NR1H4: variants seen among roughly 807,000 people sequenced by gnomAD.
NR1H4 encodes the protein bile acid receptor.
Under a neutral mutation model 58.5 loss-of-function variants are expected in NR1H4, and 23 were observed. The ratio of observed to expected loss-of-function variants is 0.39; its 90% CI spans 0.28 to 0.56. NR1H4 has a LOEUF of 0.56. NR1H4 is among the 20% of genes least tolerant of loss of function. The probability of loss-of-function intolerance (pLI) is 0.58; values close to 1 mark genes in which losing one functional copy is unlikely to be tolerated. For synonymous variants in NR1H4, 214 were observed against 198.0 expected (o/e 1.08, Z -0.68); for missense variants, 487 against 576.9 (o/e 0.84, Z 1.60).
chr12:100,502,691 A>G (rs1035186961), intron 3 of NR1H4, among the ~76,000 whole-genome samples: 1 of 152,220 alleles, frequency 6.6e-6, no homozygotes, highest in South Asian at 2.1e-4. Flanking sequence ...GGTGTGAAAT[A>G]GACACTTTTA....
At chr12:100,522,190 G>T (rs1954441655) in intron 4 of NR1H4, among the ~76,000 whole-genome samples, 1 of 151,914 alleles carries the variant, frequency 6.6e-6, no homozygotes, top group South Asian at 2.1e-4. Context: ...GATGGTGATG[G>T]TGATGATGAT....
chr12:100,534,714 T>C (rs1351687614), intron 5 of NR1H4, among the ~76,000 whole-genome samples, 176 bp from the exon 6 acceptor site: 9 of 152,222 alleles, frequency 5.9e-5, no homozygotes, highest in Non-Finnish European at 1.3e-4. Context: ...AACTACTTGT[T>C]CAAGGTTAAG....
At chr12:100,481,200 TG>T (rs1953372543) in intron 1 of NR1H4, among the ~76,000 whole-genome samples, 1 of 152,024 alleles carries the variant, frequency 6.6e-6, no homozygotes, top group African/African-American at 2.4e-5. Context: ...GCAATTGTGG[TG>T]GCCATCTTTG....
chr12:100,518,617 C>T (rs1184974927), intron 4 of NR1H4, among the ~76,000 whole-genome samples: 1 of 152,090 alleles, frequency 6.6e-6, no homozygotes, highest in Non-Finnish European at 1.5e-5. Context: ...TGAGGCTTCA[C>T]ACCACAGCAG....
chr12:100,519,462 A>G (rs1297932320), intron 4 of NR1H4, among the ~76,000 whole-genome samples: 3 of 151,910 alleles, frequency 2.0e-5, no homozygotes, highest in Admixed American at 2.0e-4. Context: ...CACCAGTGGG[A>G]AAGGTCTCTG....
At chr12:100,531,264 T>G in intron 4 of NR1H4, among the ~76,000 whole-genome samples, 1 of 152,206 alleles carries the variant, frequency 6.6e-6, no homozygotes, top group South Asian at 2.1e-4. Flanking sequence ...GAGACCAGCC[T>G]GGCCAACATG....
At chr12:100,517,191 C>A (rs998600850) in intron 4 of NR1H4, among the ~76,000 whole-genome samples, 6 of 152,132 alleles carry the variant, frequency 3.9e-5, no homozygotes, top group Non-Finnish European at 7.4e-5. Flanking sequence ...CTTCTCCCCC[C>A]ATCCTCCTCA....
At chr12:100,516,955 C>T (rs1415526711) in intron 4 of NR1H4, among the ~76,000 whole-genome samples, 2 of 152,082 alleles carry the variant, frequency 1.3e-5, no homozygotes, top group African/African-American at 4.8e-5. Context: ...AACATGTTTT[C>T]ATACATGTAT....
chr12:100,560,646 C>T (rs893029376), intron 9 of NR1H4, among the ~76,000 whole-genome samples: 3 of 152,164 alleles, frequency 2.0e-5, no homozygotes, highest in Non-Finnish European at 2.9e-5. Flanking sequence ...CCGCGAGGGT[C>T]CGCGGCTTCA....
chr12:100,500,046 C>T (rs1433055380), intron 3 of NR1H4: 6 of 426,524 alleles, frequency 1.4e-5, no homozygotes, highest in South Asian at 3.4e-5. Flanking sequence ...TACTGTTCCC[C>T]TTTTATGGTG....
chr12:100,479,338 C>A (rs1486322914), intron 1 of NR1H4, among the ~76,000 whole-genome samples: 1 of 152,094 alleles, frequency 6.6e-6, no homozygotes, highest in Non-Finnish European at 1.5e-5. Context: ...AATTTTCAGT[C>A]TTTAATCCAT....
At chr12:100,521,888 G>C (rs759955285) in intron 4 of NR1H4, among the ~76,000 whole-genome samples, 2 of 152,094 alleles carry the variant, frequency 1.3e-5, no homozygotes, top group African/African-American at 2.4e-5. Flanking sequence ...TTATCTTGGA[G>C]TATGATGCAA....
chr12:100,518,637 C>T (rs941812432), intron 4 of NR1H4, among the ~76,000 whole-genome samples: 12 of 151,970 alleles, frequency 7.9e-5, no homozygotes, highest in African/African-American at 2.2e-4. Flanking sequence ...GCCTCTGTTG[C>T]AACTAATCAA....
At chr12:100,508,584 T>C (rs575550872) in intron 3 of NR1H4, among the ~76,000 whole-genome samples, 1 of 152,282 alleles carries the variant, frequency 6.6e-6, no homozygotes, top group African/African-American at 2.4e-5. Context: ...TTAACTACTA[T>C]GTGCCTCATG....
intron 3 of NR1H4, 101 bp downstream of exon 3, chr12:100,493,503 A>C: frequency 1.4e-6 from 1 of 702,422 alleles, no homozygotes; most frequent in Admixed American, 2.1e-5. Context: ...GGTCAAGAAC[A>C]TGTTTTTGTT....
At chr12:100,490,689 C>T (rs1386000108) in intron 1 of NR1H4, among the ~76,000 whole-genome samples, 3 of 152,044 alleles carry the variant, frequency 2.0e-5, no homozygotes, top group Non-Finnish European at 4.4e-5. Flanking sequence ...TTCATATATA[C>T]ACATTATATA....
rs747027577 is a variant in NR1H4, at chr12:100,536,968, A to T, written c.852A>T (p.Ala284=). The change falls in exon 8 of 11, where the codon GCA becomes GCT. Residue 284 remains alanine, a synonymous_variant. Coordinates refer to ENST00000392986, the MANE Select transcript of NR1H4 (RefSeq NM_001206979.2). ...TNKILKEEFS[A]EENFLILTEM... is the part of the protein sequence containing the mutation. Reference sequence around the variant, plus strand: ...TTTAGTTAAAAGAAGAATTCAGTGCAGAAGAAAATTTTCTCATTTTGACGG... The same window carrying T: ...TTTAGTTAAAAGAAGAATTCAGTGCTGAAGAAAATTTTCTCATTTTGACGG... The T allele has an allele frequency of 6.3e-7, 1 of 1,595,372 alleles. No individual in the cohort carries two copies. Among genetic ancestry groups the T allele is most frequent in the Non-Finnish European group, 8.5e-7 (1 of 1,170,138 alleles).
chr12:100,528,323 C>A (rs1049308086), intron 4 of NR1H4, among the ~76,000 whole-genome samples: 1 of 151,470 alleles, frequency 6.6e-6, no homozygotes, highest in Non-Finnish European at 1.5e-5. Context: ...GCTGAGATCA[C>A]GCCACTGCAC....
chr12:100,534,700 G>A (rs1237145802), intron 5 of NR1H4, among the ~76,000 whole-genome samples, 190 bp from the exon 6 acceptor site: 1 of 152,156 alleles, frequency 6.6e-6, no homozygotes, highest in South Asian at 2.1e-4. Context: ...ACTCACAGAG[G>A]TTAAACTACT....
Sources: allele counts gnomAD v4.1 joint callset (sites outside exome capture counted in the v4.1 genomes callset), GRCh38; gene constraint gnomAD v4.1.1; transcripts MANE v1.5; gene names NCBI Gene and HGNC (gene_info 2026-07-23, HGNC 2026-07-21).